The following CCDC33 variants were observed in gnomAD, a reference collection of about 807,000 sequenced individuals.
CCDC33 encodes the protein coiled-coil domain-containing protein 33.
CCDC33 carries 94 observed loss-of-function variants against 91.9 expected under a neutral mutation model. That is an observed-to-expected ratio of 1.02 (90% CI 0.87 to 1.21). The LOEUF (loss-of-function observed/expected upper bound fraction) is 1.21, where lower values mean the gene tolerates loss of function less well. Ranked by LOEUF, CCDC33 falls within the 50% of genes most tolerant of loss-of-function variation. The pLI, the probability that CCDC33 is intolerant of heterozygous loss-of-function variation, is 0.00. For synonymous variants in CCDC33, 396 were observed against 374.5 expected (o/e 1.06, Z -0.66); for missense variants, 940 against 935.5 (o/e 1.00, Z -0.06).
At chr15:74,262,227 G>A (rs1037636414) in intron 2 of CCDC33, among the ~76,000 whole-genome samples, 1 of 152,162 alleles carries the variant, frequency 6.6e-6, no homozygotes, top group Non-Finnish European at 1.5e-5. Flanking sequence ...CTAAGTGAAG[G>A]CCTCAGTAGT....
chr15:74,306,293 G>A (rs544871409), intron 11 of CCDC33, among the ~76,000 whole-genome samples: 1 of 152,318 alleles, frequency 6.6e-6, no homozygotes, highest in South Asian at 2.1e-4. Context: ...TGGGAGCACA[G>A]AGGGGGTCTA....
exon 1 of CCDC33, chr15:74,203,041 C>T: frequency 1.0e-6 from 1 of 985,912 alleles, no homozygotes; most frequent in South Asian, 4.7e-5. Context: ...CAAGCCCCTG[C>T]CCGCCACATC....
chr15:74,255,391 G>A (rs755188212), intron 2 of CCDC33, among the ~76,000 whole-genome samples: 3 of 152,240 alleles, frequency 2.0e-5, no homozygotes, highest in Non-Finnish European at 4.4e-5. Context: ...AGCAAGCCTG[G>A]CCTGGGAATG....
At chr15:74,321,667 T>C (rs1297378532) in intron 11 of CCDC33, among the ~76,000 whole-genome samples, 1 of 152,196 alleles carries the variant, frequency 6.6e-6, no homozygotes, top group Non-Finnish European at 1.5e-5. Context: ...CCCAAAGTGC[T>C]GGGATTACAG....
intron 7 of CCDC33, among the ~76,000 whole-genome samples, chr15:74,276,672 T>C (rs1356337558): frequency 1.3e-5 from 2 of 152,230 alleles, no homozygotes. Flanking sequence ...CCACAGGCCC[T>C]GTGCCCTCCA....
In CCDC33 at chr15:74,221,953, G is replaced by C. The variant is rs150167776; in HGVS notation, c.675+3092G>C. On this transcript the variant is annotated intron_variant, in intron 2 of 2. Coordinates refer to the CCDC33 transcript ENST00000635913. ...GCCTCTCCTTCCCCGGGGTAAGGGGGAGTTCATCAGACCAGATGAGGGTGG... is the reference window on the plus strand; with the variant it reads ...GCCTCTCCTTCCCCGGGGTAAGGGGCAGTTCATCAGACCAGATGAGGGTGG... 1.9e-3 allele frequency among the ~76,000 whole-genome samples: 295 copies of C among 152,270 alleles called. 2 individuals carry two copies. The highest frequency in any genetic ancestry group is 6.3e-3 in the African/African-American group (263 of 41,560).
rs1314868985 is a variant in CCDC33 at position 74,280,789 on chromosome 15, G to T, written c.1011G>T (p.Arg337=). 5.2e-6 allele frequency: 8 copies of T among 1,535,854 alleles called. No homozygotes were observed. Among genetic ancestry groups the T allele is most frequent in the Non-Finnish European group, 5.3e-6 (6 of 1,140,958 alleles). The change falls in exon 9 of 19, where the codon CGG becomes CGT. Residue 337 remains arginine (R), a synonymous_variant. Coordinates refer to ENST00000398814, the MANE Select transcript of CCDC33 (RefSeq NM_025055.5). ...GKGLDGLHVE[R]LPIMDTSLKT... ...GCTTGGACGGGCTTCACGTGGAGCGGCTCCCCATCATGGTGAGCCCCCTGC... is the reference window on the plus strand; with the variant it reads ...GCTTGGACGGGCTTCACGTGGAGCGTCTCCCCATCATGGTGAGCCCCCTGC...
intron 11 of CCDC33, 72 bp downstream of exon 11, chr15:74,296,020 C>T: frequency 7.5e-7 from 1 of 1,331,306 alleles, no homozygotes; most frequent in Non-Finnish European, 1.0e-6. Context: ...TGACTGCCAT[C>T]TGCAGGACTG....
intron 1 of CCDC33, chr15:74,209,010 GC>G: frequency 1.9e-6 from 2 of 1,068,986 alleles, no homozygotes; most frequent in Non-Finnish European, 2.3e-6. Flanking sequence ...CCCAGCACCT[GC>G]TTTAAAAGGT....
rs756525907 is a variant in CCDC33 at position 74,268,483 on chromosome 15, G to C, written c.546+25G>C. 9.1e-6 allele frequency: 13 copies of C among 1,429,602 alleles called. No homozygotes were observed. In the Admixed American group the frequency reaches 2.3e-4, roughly 26 times the overall value. The allele number at this position is 1,429,602 out of a possible 1,614,324, so 88.6% of individuals were successfully genotyped here. A position where few individuals can be genotyped will look rare whatever the true frequency, so the allele number is the denominator to read the frequency against. ...GGTACCAGGGCTGGGGCCCTCTGGGGTGGTGGTGGGGGTGGGAAAGGGCCA... is the reference window on the plus strand; with the variant it reads ...GGTACCAGGGCTGGGGCCCTCTGGGCTGGTGGTGGGGGTGGGAAAGGGCCA... On this transcript the variant is annotated intron_variant, in intron 5 of 18. Transcript: ENST00000398814.
chr15:74,280,040 C>T lies in CCDC33; in HGVS notation c.837C>T (p.Thr279=), dbSNP rs761079944. The stretch of plus-strand genomic sequence containing the variant: ...TCTTCCAAGGCCGAGATGGAGCTAC[C>T]AGCTTCTCAGAAGACACAGCCCTGG... ...SFLFQGRDGA[T]SFSEDTALVL... is the part of the protein sequence containing the mutation. Residue 279 remains threonine, a synonymous_variant, in exon 8 of 19, where the codon ACC becomes ACT. Transcript: ENST00000398814. The T allele has an allele frequency of 8.7e-6, 14 of 1,614,162 alleles. No individual in the cohort carries two copies. The highest frequency in any genetic ancestry group is 1.7e-5 in the Admixed American group (1 of 60,024).
At chr15:74,260,159 C>A (rs886596217) in intron 2 of CCDC33, among the ~76,000 whole-genome samples, 2 of 152,156 alleles carry the variant, frequency 1.3e-5, no homozygotes, top group African/African-American at 4.8e-5. Context: ...AGGCACAGAG[C>A]GTCATGGGAG....
At position 74,244,020 on chromosome 15, in the gene CCDC33, C is replaced by T. The variant is rs1477110313; in HGVS notation, c.57C>T (p.Ser19=). The T allele has an allele frequency of 5.0e-6, 8 of 1,613,660 alleles. No homozygotes were observed. The highest frequency in any genetic ancestry group is 6.8e-6 in the Non-Finnish European group (8 of 1,179,864). The part of the protein sequence containing the change: ...TEDPEEPLIA[S]QSTEPEIGHL... ...ACCCAGAGGAGCCCCTGATCGCCTC[C>T]CAGAGCACGGAACCTGAGATCGGTC... The change falls in exon 2 of 19, where the codon TCC becomes TCT. Residue 19 remains serine, a synonymous_variant. Transcript: ENST00000398814. The surrounding 1 kb of genome is among the most constrained non-coding windows in gnomAD (Gnocchi z 4.2).
chr15:74,308,964 C>T (rs1305379564), intron 11 of CCDC33, among the ~76,000 whole-genome samples: 1 of 151,960 alleles, frequency 6.6e-6, no homozygotes, highest in Non-Finnish European at 1.5e-5. Context: ...ACCCTCCTGC[C>T]TTCTCCTGTA....
chr15:74,264,798 C>T (rs866876603), intron 3 of CCDC33, among the ~76,000 whole-genome samples: 1 of 152,210 alleles, frequency 6.6e-6, no homozygotes, highest in Non-Finnish European at 1.5e-5. Context: ...CTACAACAAC[C>T]CAAGGGGAGA....
intron 2 of CCDC33, among the ~76,000 whole-genome samples, chr15:74,255,611 C>G (rs556316567): frequency 2.0e-4 from 31 of 152,348 alleles, no homozygotes; most frequent in African/African-American, 5.5e-4. Flanking sequence ...AGGGACTAGC[C>G]GGGGACTGTG....
At chr15:74,225,788 G>A (rs1183431844) in intron 2 of CCDC33, among the ~76,000 whole-genome samples, 1 of 152,152 alleles carries the variant, frequency 6.6e-6, no homozygotes, top group East Asian at 1.9e-4. Flanking sequence ...GGATTAGGGT[G>A]GGGAGCAGCA....
chr15:74,327,778 C>T (rs971885187), intron 11 of CCDC33, among the ~76,000 whole-genome samples: 1 of 152,168 alleles, frequency 6.6e-6, no homozygotes, highest in Non-Finnish European at 1.5e-5. Context: ...CTGGCAGCCC[C>T]CTCCCCCAGG....
intron 10 of CCDC33, among the ~76,000 whole-genome samples, chr15:74,287,259 C>A (rs994194414): frequency 6.6e-6 from 1 of 152,170 alleles, no homozygotes; most frequent in Admixed American, 6.5e-5. Context: ...GTTCCCACCC[C>A]CAAGACTCCA....
Sources: allele counts gnomAD v4.1 joint callset (sites outside exome capture counted in the v4.1 genomes callset), GRCh38; gene constraint gnomAD v4.1.1; non-coding constraint Gnocchi (gnomAD v3.1); transcripts MANE v1.5; gene names NCBI Gene and HGNC (gene_info 2026-07-23, HGNC 2026-07-21).